MAP2K6: variants seen among roughly 807,000 people sequenced by gnomAD.
MAP2K6 encodes mitogen-activated protein kinase kinase 6, also known as dual specificity mitogen-activated protein kinase kinase 6.
Under a neutral mutation model 53.7 loss-of-function variants are expected in MAP2K6, and 16 were observed. The ratio of observed to expected loss-of-function variants is 0.30; its 90% CI spans 0.20 to 0.45. The LOEUF (loss-of-function observed/expected upper bound fraction) is 0.45. Among genes scored for constraint, MAP2K6 ranks in the 20% least tolerant of loss-of-function variants. The probability of loss-of-function intolerance (pLI) is 1.00; values close to 1 mark genes in which losing one functional copy is unlikely to be tolerated. For synonymous variants in MAP2K6, 132 were observed against 143.1 expected, an observed-to-expected ratio of 0.92 and a Z score of 0.55; for missense variants, 204 against 411.9, an observed-to-expected ratio of 0.50 and a Z score of 4.37.
intron 1 of MAP2K6, among the ~76,000 whole-genome samples, chr17:69,416,813 G>T (rs771422754): frequency 1.3e-5 from 2 of 152,214 alleles, no homozygotes; most frequent in African/African-American, 2.4e-5. Flanking sequence ...TAGTCAGGAA[G>T]GTTTATGAAG....
At chr17:69,459,825 C>T (rs1415119545) in intron 1 of MAP2K6, among the ~76,000 whole-genome samples, 1 of 150,302 alleles carries the variant, frequency 6.7e-6, no homozygotes, top group Non-Finnish European at 1.5e-5. Context: ...CTGCCTCCTT[C>T]CCTCCCTTCC....
intron 10 of MAP2K6, among the ~76,000 whole-genome samples, chr17:69,528,436 T>A (rs565616340): frequency 6.6e-6 from 1 of 152,332 alleles, no homozygotes; most frequent in East Asian, 1.9e-4. Context: ...TGGTAGTACC[T>A]CTGCCAGGTT....
intron 1 of MAP2K6, among the ~76,000 whole-genome samples, chr17:69,449,807 G>T (rs1907147816): frequency 6.7e-6 from 1 of 150,218 alleles, no homozygotes; most frequent in African/African-American, 2.4e-5. Flanking sequence ...TAGAGACGGG[G>T]TTTCACCATG....
At chr17:69,451,548 G>A (rs1256226208) in intron 1 of MAP2K6, among the ~76,000 whole-genome samples, 1 of 152,186 alleles carries the variant, frequency 6.6e-6, no homozygotes, top group Non-Finnish European at 1.5e-5. Context: ...AGACCCAAGA[G>A]GGGAGATTTG....
chr17:69,519,538 A>G (rs1019985099), intron 5 of MAP2K6, 106 bp downstream of exon 5: 2 of 1,414,552 alleles, frequency 1.4e-6, no homozygotes, highest in Non-Finnish European at 2.0e-6. Context: ...CTTGTTTGAC[A>G]CATCTTGTAT....
intron 1 of MAP2K6, among the ~76,000 whole-genome samples, chr17:69,498,217 G>GT (rs1349811617): frequency 6.6e-6 from 1 of 152,192 alleles, no homozygotes; most frequent in Non-Finnish European, 1.5e-5. Flanking sequence ...CTGGTGGGTT[G>GT]TGGGGGATGT....
rs965088569 is a variant in MAP2K6, at chr17:69,550,445, G to C, written c.*8692G>C. On this transcript the variant is annotated 3_prime_UTR_variant, in exon 12 of 12. Coordinates refer to ENST00000590474, the MANE Select transcript of MAP2K6 (RefSeq NM_002758.4). ...TCCCATAATTCAGAGAACTGTGAAT[G>C]TACTTAGAAATACACTACAGGTCTT... The C allele has an allele frequency of 6.6e-6, 1 of 152,184 alleles. No individual in the cohort carries two copies. The highest frequency in any genetic ancestry group is 1.5e-5 in the Non-Finnish European group (1 of 68,034). The allele number at this position is 152,184 out of a possible 1,614,324, so 9.4% of individuals were successfully genotyped here.
chr17:69,531,173 T>C (rs1454864952), intron 10 of MAP2K6, among the ~76,000 whole-genome samples: 2 of 152,150 alleles, frequency 1.3e-5, no homozygotes, highest in Admixed American at 6.6e-5. Context: ...ACTACGGATT[T>C]CAAAAGTGAA....
At chr17:69,440,442 T>TA (rs1466478325) in intron 1 of MAP2K6, among the ~76,000 whole-genome samples, 1 of 152,204 alleles carries the variant, frequency 6.6e-6, no homozygotes, top group Non-Finnish European at 1.5e-5. Flanking sequence ...TCTTGTGACT[T>TA]ACAGTGGTCC....
intron 1 of MAP2K6, among the ~76,000 whole-genome samples, chr17:69,432,099 T>C (rs901022748): frequency 6.6e-6 from 1 of 152,184 alleles, no homozygotes; most frequent in African/African-American, 2.4e-5. Flanking sequence ...ATACGCAGAC[T>C]GAAAGGAAAT....
At chr17:69,524,088 G>T (rs1290454051) in intron 8 of MAP2K6, among the ~76,000 whole-genome samples, 1 of 151,992 alleles carries the variant, frequency 6.6e-6, no homozygotes, top group Non-Finnish European at 1.5e-5. Flanking sequence ...CCACTTTCAT[G>T]ATTCAATCAC....
At chr17:69,493,813 T>A (rs1445576994) in intron 1 of MAP2K6, among the ~76,000 whole-genome samples, 1 of 152,154 alleles carries the variant, frequency 6.6e-6, no homozygotes, top group Non-Finnish European at 1.5e-5. Flanking sequence ...TAAATATTTT[T>A]AAAATGTGAT....
At chr17:69,483,384 A>T (rs1164489282) in intron 1 of MAP2K6, among the ~76,000 whole-genome samples, 1 of 152,144 alleles carries the variant, frequency 6.6e-6, no homozygotes, top group Non-Finnish European at 1.5e-5. Context: ...AATACCTTGG[A>T]ATAAATTTAA....
At chr17:69,517,413 T>C (rs1598304117) in intron 3 of MAP2K6, 87 bp from the exon 4 acceptor site, 1 of 647,602 alleles carries the variant, frequency 1.5e-6, no homozygotes. Context: ...CCTTAGAACA[T>C]TGAGAGAAAC....
intron 1 of MAP2K6, chr17:69,477,696 T>G (rs910371888): frequency 2.0e-5 from 3 of 152,178 alleles, no homozygotes; most frequent in Admixed American, 2.0e-4. Flanking sequence ...TTGTAATACT[T>G]TGGTTTATTT....
At chr17:69,446,737 A>G (rs906237532) in intron 1 of MAP2K6, among the ~76,000 whole-genome samples, 3 of 152,136 alleles carry the variant, frequency 2.0e-5, no homozygotes, top group African/African-American at 4.8e-5. Context: ...GTATCATTTG[A>G]GTACCCCCCA....
chr17:69,495,527 C>T (rs932554287), intron 1 of MAP2K6, among the ~76,000 whole-genome samples: 4 of 152,166 alleles, frequency 2.6e-5, no homozygotes, highest in Non-Finnish European at 5.9e-5. Flanking sequence ...TGAGCTACTG[C>T]GCCTGGCTAT....
chr17:69,499,055 C>G (rs951833099), intron 1 of MAP2K6, among the ~76,000 whole-genome samples: 22 of 152,174 alleles, frequency 1.4e-4, no homozygotes, highest in African/African-American at 5.1e-4. Flanking sequence ...AAAATGGATA[C>G]TGAGGCAATG....
chr17:69,498,055 A>G (rs187101931), intron 1 of MAP2K6, among the ~76,000 whole-genome samples: 180 of 151,994 alleles, frequency 1.2e-3, no homozygotes, highest in Middle Eastern at 3.4e-3. Context: ...GGGTTTTCAT[A>G]TCTCCTGATG....
Sources: gnomAD v4.1 joint callset for allele counts (sites outside exome capture counted in the v4.1 genomes callset) on GRCh38, gnomAD v4.1.1 for gene constraint, MANE v1.5 for transcripts, NCBI Gene and HGNC (gene_info 2026-07-23, HGNC 2026-07-21) for gene names.